PKIA: variants seen among roughly 807,000 people sequenced by gnomAD.
PKIA encodes cAMP-dependent protein kinase inhibitor alpha, also known as PKI-alpha.
Under a neutral mutation model 7.6 loss-of-function variants are expected in PKIA, and 4 were observed. The observed-to-expected ratio is 0.52, with a 90% CI of 0.26 to 1.20. PKIA has a LOEUF of 1.20. Among genes scored for constraint, PKIA ranks in the 50% most tolerant of loss-of-function variants. The pLI, the probability that PKIA is intolerant of heterozygous loss-of-function variation, is 0.13. For synonymous variants in PKIA, 21 were observed against 30.7 expected, an observed-to-expected ratio of 0.68 and a Z score of 1.04; for missense variants, 73 against 86.2, an observed-to-expected ratio of 0.85 and a Z score of 0.61.
chr8:78,546,155 T>C (rs1478713508), intron 1 of PKIA, among the ~76,000 whole-genome samples: 1 of 152,168 alleles, frequency 6.6e-6, no homozygotes, highest in African/African-American at 2.4e-5. Flanking sequence ...AACTGCTAAT[T>C]GTGTGATTGT....
At chr8:78,564,411 A>C (rs1052986224) in intron 1 of PKIA, among the ~76,000 whole-genome samples, 4 of 152,034 alleles carry the variant, frequency 2.6e-5, no homozygotes, top group Non-Finnish European at 5.9e-5. Context: ...AGTATTTTAA[A>C]TATATATGTG....
At chr8:78,587,474 T>C (rs901584091) in intron 2 of PKIA, among the ~76,000 whole-genome samples, 14 of 152,194 alleles carry the variant, frequency 9.2e-5, no homozygotes, top group Non-Finnish European at 1.9e-4. Context: ...ATATTACTTG[T>C]CACTTGCCAA....
chr8:78,550,633 C>G (rs1047833905), intron 1 of PKIA, among the ~76,000 whole-genome samples: 3 of 152,028 alleles, frequency 2.0e-5, no homozygotes, highest in African/African-American at 7.2e-5. Context: ...CCTCCCTTAT[C>G]TGAGTTAAAT....
At chr8:78,523,835 A>C (rs1304035303) in intron 1 of PKIA, among the ~76,000 whole-genome samples, 1 of 148,238 alleles carries the variant, frequency 6.7e-6, no homozygotes, top group Non-Finnish European at 1.5e-5. Context: ...AACTATGGTA[A>C]TATATTAACA....
chr8:78,565,623 T>C (rs1160499766), intron 1 of PKIA, among the ~76,000 whole-genome samples: 1 of 151,974 alleles, frequency 6.6e-6, no homozygotes, highest in East Asian at 1.9e-4. Context: ...TATTTCTCAG[T>C]AGCCCTTTAT....
chr8:78,585,980 G>A (rs34542001), intron 2 of PKIA, among the ~76,000 whole-genome samples: 27,333 of 152,020 alleles, frequency 0.18, 2,880 homozygotes, highest in African/African-American at 0.29. Flanking sequence ...AAATCTAGAT[G>A]CAATTCTAAA....
At chr8:78,564,735 C>A (rs1032355435) in intron 1 of PKIA, among the ~76,000 whole-genome samples, 1 of 151,614 alleles carries the variant, frequency 6.6e-6, no homozygotes, top group Non-Finnish European at 1.5e-5. Context: ...TTAATTTCAA[C>A]AATAAGAAAA....
At chr8:78,569,803 G>A (rs1033220443) in intron 1 of PKIA, among the ~76,000 whole-genome samples, 1 of 152,018 alleles carries the variant, frequency 6.6e-6, no homozygotes, top group African/African-American at 2.4e-5. Flanking sequence ...CAAAATAGAT[G>A]TTATAAAATA....
At position 78,604,119 on chromosome 8, in the gene PKIA, T is replaced by C. The variant is rs1808419020; in HGVS notation, c.*2298T>C. 1 of 152,000 alleles carries C rather than the reference T, an allele frequency of 6.6e-6. No homozygotes were observed. The highest frequency in any genetic ancestry group is 2.4e-5 in the African/African-American group (1 of 41,406). 9.4% of individuals were successfully genotyped at this position (152,000 alleles called of 1,614,324 possible). ...TTTAGTTTCCTTTATTTGCCAAGAA[T>C]ACATATGGATTTGAATTTTTAAGGA... On this transcript the variant is annotated 3_prime_UTR_variant, in exon 4 of 4. Transcript: ENST00000396418.
intron 2 of PKIA, among the ~76,000 whole-genome samples, chr8:78,589,008 A>G (rs1192315632): frequency 6.6e-6 from 1 of 152,174 alleles, no homozygotes; most frequent in East Asian, 1.9e-4. Flanking sequence ...AGTGTTAAAG[A>G]AGTAGCTGAA....
intron 1 of PKIA, among the ~76,000 whole-genome samples, chr8:78,569,242 AAG>A (rs1362049443): frequency 6.6e-6 from 1 of 152,092 alleles, no homozygotes; most frequent in Non-Finnish European, 1.5e-5. Flanking sequence ...AGTGTAAAGA[AAG>A]AGAGTTGACA....
intron 2 of PKIA, among the ~76,000 whole-genome samples, chr8:78,584,211 C>T (rs967109401): frequency 2.0e-5 from 3 of 151,666 alleles, no homozygotes; most frequent in African/African-American, 7.3e-5. Flanking sequence ...CCTTTGCAAC[C>T]AATCAAATAT....
chr8:78,590,769 A>G (rs1047190067), intron 2 of PKIA, among the ~76,000 whole-genome samples: 1 of 151,992 alleles, frequency 6.6e-6, no homozygotes, highest in Non-Finnish European at 1.5e-5. Context: ...AGTTTTTCTA[A>G]TTTCCCATAT....
At chr8:78,595,874 C>G (rs1000811995) in intron 2 of PKIA, among the ~76,000 whole-genome samples, 3 of 152,118 alleles carry the variant, frequency 2.0e-5, no homozygotes, top group Non-Finnish European at 4.4e-5. Context: ...ATTTATATTC[C>G]TTTGGGTGTA....
At chr8:78,573,343 T>C (rs1320714258) in intron 2 of PKIA, among the ~76,000 whole-genome samples, 1 of 152,036 alleles carries the variant, frequency 6.6e-6, no homozygotes, top group Non-Finnish European at 1.5e-5. Context: ...AGAGGAACAG[T>C]CCTAATGAAT....
chr8:78,551,831 T>C (rs1806991338), intron 1 of PKIA, among the ~76,000 whole-genome samples: 1 of 152,030 alleles, frequency 6.6e-6, no homozygotes, highest in Non-Finnish European at 1.5e-5. Flanking sequence ...TCTTTGCTAA[T>C]GAAATATCTC....
chr8:78,586,982 T>C (rs779625675), intron 2 of PKIA, among the ~76,000 whole-genome samples: 12 of 152,204 alleles, frequency 7.9e-5, no homozygotes, highest in Non-Finnish European at 1.3e-4. Flanking sequence ...TTATTGTTAT[T>C]ATTCATAAGG....
chr8:78,561,434 C>T (rs1316312910), intron 1 of PKIA, among the ~76,000 whole-genome samples: 1 of 151,868 alleles, frequency 6.6e-6, no homozygotes, highest in Non-Finnish European at 1.5e-5. Flanking sequence ...GCCTACCCCA[C>T]TGCTCTAGGC....
rs537240376 is a variant in PKIA, at chr8:78,558,799, A to G, written c.-156-14012A>G. ...GTGAAAGAAACAGAATCAATCATTAAGCGATACTTAAACCAGTGCAGATTA... is the reference window on the plus strand; with the variant it reads ...GTGAAAGAAACAGAATCAATCATTAGGCGATACTTAAACCAGTGCAGATTA... On this transcript the variant is annotated intron_variant, in intron 1 of 3. Coordinates refer to ENST00000396418, the MANE Select transcript of PKIA (RefSeq NM_006823.4). 1.8e-4 allele frequency among the ~76,000 whole-genome samples: 28 copies of G among 152,346 alleles called. No individual in the cohort carries two copies. In the South Asian group the frequency reaches 5.6e-3, roughly 30 times the overall value.
Sources: allele counts gnomAD v4.1 joint callset (sites outside exome capture counted in the v4.1 genomes callset), GRCh38; gene constraint gnomAD v4.1.1; transcripts MANE v1.5; gene names NCBI Gene and HGNC (gene_info 2026-07-23, HGNC 2026-07-21).